PFDN1: variants seen among roughly 807,000 people sequenced by gnomAD.
PFDN1 encodes the protein prefoldin 1.
Under a neutral mutation model 17.3 loss-of-function variants are expected in PFDN1, and 6 were observed. That is an observed-to-expected ratio of 0.35 (90% CI 0.19 to 0.69). The LOEUF (loss-of-function observed/expected upper bound fraction) is 0.69, where lower values mean the gene tolerates loss of function less well. PFDN1 is among the 30% of genes least tolerant of loss of function. The pLI, the probability that PFDN1 is intolerant of heterozygous loss-of-function variation, is 0.65. For synonymous variants in PFDN1, 58 were observed against 50.1 expected (o/e 1.16, Z -0.67); for missense variants, 113 against 146.2 (o/e 0.77, Z 1.17).
intron 3 of PFDN1, among the ~76,000 whole-genome samples, chr5:140,258,460 A>C (rs1225590648): frequency 7.0e-6 from 1 of 142,616 alleles, no homozygotes; most frequent in South Asian, 2.4e-4. Context: ...AAAAAAAAAA[A>C]GCCTGGGAAG....
chr5:140,298,239 T>C (rs1377925451), intron 2 of PFDN1, among the ~76,000 whole-genome samples: 4 of 152,120 alleles, frequency 2.6e-5, no homozygotes, highest in Non-Finnish European at 2.9e-5. Context: ...ACCATAAAGA[T>C]ATGGATTAGT....
Position 140,300,396 on chromosome 5 carries a change from T to G in PFDN1, c.200+20A>C. 6.4e-7 allele frequency: 1 copy of G among 1,553,234 alleles called. No individual in the cohort carries two copies. Among genetic ancestry groups the G allele is most frequent in the Non-Finnish European group, 8.8e-7 (1 of 1,131,968 alleles). On this transcript the variant is annotated intron_variant, in intron 2 of 3. Transcript: ENST00000261813. ...AAAAGCACTCCCAAAATAACTCCATTAAGGACACATTTTACTTACATTCTT... is the reference window on the plus strand; with the variant it reads ...AAAAGCACTCCCAAAATAACTCCATGAAGGACACATTTTACTTACATTCTT...
chr5:140,261,635 G>T (rs1226922039), intron 3 of PFDN1, among the ~76,000 whole-genome samples: 3 of 152,146 alleles, frequency 2.0e-5, no homozygotes, highest in Non-Finnish European at 4.4e-5. Flanking sequence ...AGAACTGGAG[G>T]ACTACAAATA....
At chr5:140,268,543 G>A (rs1186771064) in intron 3 of PFDN1, among the ~76,000 whole-genome samples, 1 of 152,102 alleles carries the variant, frequency 6.6e-6, no homozygotes, top group South Asian at 2.1e-4. Context: ...CTACTCGGGA[G>A]GCTGAGGCAG....
Position 140,270,988 on chromosome 5 carries a change from T to G in PFDN1, c.285+10461A>C, listed in dbSNP as rs1765198315. ...TAAGTTCTCATTGGATCTACAATACTTCTATGAAGGAAATAAAATGCATCA... is the reference window on the plus strand; with the variant it reads ...TAAGTTCTCATTGGATCTACAATACGTCTATGAAGGAAATAAAATGCATCA... On this transcript the variant is annotated intron_variant, in intron 3 of 3. Transcript: ENST00000261813. Among the ~76,000 whole-genome samples the G allele has an allele frequency of 2.0e-5, 3 of 152,256 alleles. No individual in the cohort carries two copies. The South Asian group carries it at 6.2e-4, about 32-fold the overall frequency.
chr5:140,246,073 C>G lies in PFDN1; in HGVS notation c.286-16G>C. ...ACTTTTTCTGCTGCAATATGAGAGA[C>G]AGACAAAGGTTAGGACCAGAGTGAA... On this transcript the variant is annotated splice_polypyrimidine_tract_variant and intron_variant, in intron 3 of 3. Transcript: ENST00000261813. 6.7e-7 allele frequency: 1 copy of G among 1,495,672 alleles called. No individual in the cohort carries two copies. The highest frequency in any genetic ancestry group is 2.4e-5 in the East Asian group (1 of 41,056). 92.7% of individuals were successfully genotyped at this position (1,495,672 alleles called of 1,614,324 possible). A position where few individuals can be genotyped will look rare whatever the true frequency, so the allele number is the denominator to read the frequency against.
chr5:140,257,553 AAAG>A (rs922451123), intron 3 of PFDN1, among the ~76,000 whole-genome samples: 1 of 152,176 alleles, frequency 6.6e-6, no homozygotes, highest in African/African-American at 2.4e-5. Flanking sequence ...TTATTCAACT[AAAG>A]AAGGTCTCCA....
chr5:140,300,598 C>G lies in PFDN1; in HGVS notation c.34-16G>C. 1.3e-6 allele frequency: 2 copies of G among 1,565,208 alleles called. No homozygotes were observed. Among genetic ancestry groups the G allele is most frequent in the Non-Finnish European group, 1.7e-6 (2 of 1,152,122 alleles). The stretch of plus-strand genomic sequence containing the variant: ...CTGTGAAGGCCTAATAAAAACAAGT[C>G]CATGATTTAGTAGGTAAAACATTTT... On this transcript the variant is annotated splice_polypyrimidine_tract_variant and intron_variant, in intron 1 of 3. Coordinates refer to ENST00000261813, the MANE Select transcript of PFDN1 (RefSeq NM_002622.5).
At chr5:140,295,549 A>C (rs534587995) in intron 2 of PFDN1, among the ~76,000 whole-genome samples, 103 of 152,294 alleles carry the variant, frequency 6.8e-4, no homozygotes, top group African/African-American at 2.4e-3. Flanking sequence ...AAGTAGCAAA[A>C]CTAGAAATTG....
At chr5:140,280,930 A>C (rs1561510241) in intron 3 of PFDN1, 1 of 152,134 alleles carries the variant, frequency 6.6e-6, no homozygotes. Context: ...AAAAAGAAAA[A>C]ATTGTTCTCA....
intron 2 of PFDN1, among the ~76,000 whole-genome samples, chr5:140,288,224 G>A (rs547088914): frequency 3.3e-5 from 5 of 152,266 alleles, no homozygotes; most frequent in Admixed American, 1.3e-4. Flanking sequence ...ATTATTCGAC[G>A]ACAAAACGAA....
At chr5:140,248,242 T>A (rs1172371824) in intron 3 of PFDN1, among the ~76,000 whole-genome samples, 1 of 151,970 alleles carries the variant, frequency 6.6e-6, no homozygotes, top group Non-Finnish European at 1.5e-5. Flanking sequence ...TAATTTTTTC[T>A]ATTTTTAGTA....
At chr5:140,249,279 A>G (rs965563641) in intron 3 of PFDN1, among the ~76,000 whole-genome samples, 1 of 152,250 alleles carries the variant, frequency 6.6e-6, no homozygotes, top group African/African-American at 2.4e-5. Context: ...CCTGAATCCA[A>G]TCATTAGTGT....
chr5:140,267,887 T>A (rs925678736), intron 3 of PFDN1, among the ~76,000 whole-genome samples: 2 of 152,232 alleles, frequency 1.3e-5, no homozygotes, highest in African/African-American at 4.8e-5. Context: ...CAGTGGAAAC[T>A]GATAACGTTT....
chr5:140,270,431 A>G (rs1765190632), intron 3 of PFDN1, among the ~76,000 whole-genome samples: 1 of 152,208 alleles, frequency 6.6e-6, no homozygotes, highest in Non-Finnish European at 1.5e-5. Context: ...CCAAGAAGAA[A>G]ATAATAACTG....
intron 3 of PFDN1, among the ~76,000 whole-genome samples, chr5:140,251,118 T>C (rs1764907133): frequency 6.6e-6 from 1 of 152,086 alleles, no homozygotes; most frequent in Non-Finnish European, 1.5e-5. Context: ...CTATCTTTAG[T>C]AGAGACGGGG....
intron 1 of PFDN1, among the ~76,000 whole-genome samples, chr5:140,302,472 GGTTTT>G (rs1417481727): frequency 2.6e-5 from 4 of 152,198 alleles, no homozygotes; most frequent in African/African-American, 7.2e-5. Context: ...AAAAGAAGGA[GGTTTT>G]GTTTTGTTTT....
At chr5:140,272,961 T>C (rs1415878897) in intron 3 of PFDN1, among the ~76,000 whole-genome samples, 1 of 152,228 alleles carries the variant, frequency 6.6e-6, no homozygotes, top group African/African-American at 2.4e-5. Context: ...GCTGGGCATA[T>C]GTCTTGTTTA....
chr5:140,257,479 C>T (rs1022012991), intron 3 of PFDN1, among the ~76,000 whole-genome samples: 11 of 152,210 alleles, frequency 7.2e-5, no homozygotes, highest in Admixed American at 5.2e-4. Flanking sequence ...TTTTAGGTGG[C>T]TGTCTGCTTC....
Sources: gnomAD v4.1 joint callset for allele counts (sites outside exome capture counted in the v4.1 genomes callset) on GRCh38, gnomAD v4.1.1 for gene constraint, MANE v1.5 for transcripts, NCBI Gene and HGNC (gene_info 2026-07-23, HGNC 2026-07-21) for gene names.